ELK3: variants seen among roughly 807,000 people sequenced by gnomAD.
ELK3 encodes the protein ETS domain-containing protein Elk-3.
ELK3 carries 10 observed loss-of-function variants against 28.9 expected under a neutral mutation model. The observed-to-expected ratio is 0.35, with a 90% confidence interval of 0.21 to 0.59. The LOEUF (loss-of-function observed/expected upper bound fraction) is 0.59, where lower values mean the gene tolerates loss of function less well. Among genes scored for constraint, ELK3 ranks in the 20% least tolerant of loss-of-function variants. The probability of loss-of-function intolerance (pLI) is 0.82; values close to 1 mark genes in which losing one functional copy is unlikely to be tolerated. For missense variants in ELK3, 463 were observed against 517.3 expected (o/e 0.90, Z 1.02); for synonymous variants, 272 against 243.5 (o/e 1.12, Z -1.09).
chr12:96,266,545 C>T (rs1454540880), intron 4 of ELK3, among the ~76,000 whole-genome samples: 3 of 152,066 alleles, frequency 2.0e-5, no homozygotes, highest in Admixed American at 1.3e-4. Context: ...AGAATACTTT[C>T]TTAGCTCCAA....
At chr12:96,266,136 C>CT (rs1409279454) in intron 4 of ELK3, among the ~76,000 whole-genome samples, 4 of 152,200 alleles carry the variant, frequency 2.6e-5, no homozygotes, top group Non-Finnish European at 5.9e-5. Flanking sequence ...TTGATAAACT[C>CT]TAAGGTACTA....
At chr12:96,226,879 G>A (rs928276599) in intron 2 of ELK3, among the ~76,000 whole-genome samples, 1 of 152,156 alleles carries the variant, frequency 6.6e-6, no homozygotes, top group Admixed American at 6.5e-5. Context: ...AAAAAGAGGG[G>A]ATGGAGAAGG....
intron 3 of ELK3, among the ~76,000 whole-genome samples, chr12:96,257,030 C>G (rs537325480): frequency 6.6e-6 from 1 of 152,188 alleles, no homozygotes; most frequent in Non-Finnish European, 1.5e-5. Flanking sequence ...TCCCAGCAGC[C>G]GTGGGATCAG....
At chr12:96,205,778 G>A (rs1951534897) in intron 1 of ELK3, among the ~76,000 whole-genome samples, 1 of 152,208 alleles carries the variant, frequency 6.6e-6, no homozygotes, top group African/African-American at 2.4e-5. Flanking sequence ...GCATAGCCCA[G>A]TGCAAAAATG....
intron 2 of ELK3, among the ~76,000 whole-genome samples, chr12:96,235,444 C>T (rs977394400): frequency 7.9e-5 from 12 of 152,244 alleles, no homozygotes; most frequent in African/African-American, 2.9e-4. Flanking sequence ...CCTGCAGAGC[C>T]GAGGGCGTGG....
chr12:96,241,920 C>T (rs1229098878), intron 2 of ELK3, among the ~76,000 whole-genome samples: 1 of 152,194 alleles, frequency 6.6e-6, no homozygotes, highest in Non-Finnish European at 1.5e-5. Context: ...CATGGAATGC[C>T]TGCCGGGCAA....
At chr12:96,254,124 AGACCAACCT>A (rs1048641361) in intron 3 of ELK3, among the ~76,000 whole-genome samples, 27 of 152,230 alleles carry the variant, frequency 1.8e-4, no homozygotes, top group Non-Finnish European at 3.4e-4. Flanking sequence ...CAGGAGTTCA[AGACCAACCT>A]GGCCAACATG....
At chr12:96,198,364 TC>T (rs1951485866) in intron 1 of ELK3, among the ~76,000 whole-genome samples, 1 of 152,218 alleles carries the variant, frequency 6.6e-6, no homozygotes, top group South Asian at 2.1e-4. Context: ...ACCAGCTGTC[TC>T]ATTAAAGTTT....
Position 96,267,133 on chromosome 12 carries a change from A to G in ELK3, c.1177A>G (p.Arg393Gly). 6.2e-7 allele frequency: 1 copy of G among 1,613,668 alleles called. No individual in the cohort carries two copies. The highest frequency in any genetic ancestry group is 8.5e-7 in the Non-Finnish European group (1 of 1,179,768). ...HMPVPIPSLD[R>G]AASPVLLSSN... ...GCCAGTGCCAATCCCCAGTCTGGAC[A>G]GAGCTGCTTCTCCAGTACTGCTTTC... Residue 393 changes from arginine to glycine, a missense_variant, in exon 5 of 5, where the codon AGA (arginine) becomes GGA (glycine). Coordinates refer to ENST00000228741, the MANE Select transcript of ELK3 (RefSeq NM_005230.4).
At chr12:96,264,630 C>G (rs915188332) in intron 4 of ELK3, among the ~76,000 whole-genome samples, 1 of 151,938 alleles carries the variant, frequency 6.6e-6, no homozygotes, top group African/African-American at 2.4e-5. Flanking sequence ...AAAAAAAATA[C>G]AAAAATTGGC....
At chr12:96,238,851 T>G (rs1410245596) in intron 2 of ELK3, among the ~76,000 whole-genome samples, 1 of 152,234 alleles carries the variant, frequency 6.6e-6, no homozygotes, top group Non-Finnish European at 1.5e-5. Flanking sequence ...CCAGGCACTC[T>G]GCAGTTAACC....
intron 4 of ELK3, among the ~76,000 whole-genome samples, chr12:96,262,953 A>T (rs1303469988): frequency 6.6e-6 from 1 of 152,126 alleles, no homozygotes; most frequent in Non-Finnish European, 1.5e-5. Context: ...GCTGGCCAAC[A>T]TCCCTTTTAA....
At chr12:96,209,112 G>T (rs186745555) in intron 1 of ELK3, among the ~76,000 whole-genome samples, 2 of 152,242 alleles carry the variant, frequency 1.3e-5, no homozygotes, top group Admixed American at 6.5e-5. Flanking sequence ...GTGTGCACAC[G>T]TGCAAAACAG....
chr12:96,222,286 T>C (rs553083407), intron 1 of ELK3, among the ~76,000 whole-genome samples: 10 of 152,110 alleles, frequency 6.6e-5, no homozygotes, highest in Non-Finnish European at 1.3e-4. Flanking sequence ...TTGAGCTGGG[T>C]CACAATGGAT....
chr12:96,237,188 A>T (rs1422329902), intron 2 of ELK3, among the ~76,000 whole-genome samples: 1 of 152,238 alleles, frequency 6.6e-6, no homozygotes, highest in Non-Finnish European at 1.5e-5. Flanking sequence ...TTTGGCAGGG[A>T]CATTAAACTC....
chr12:96,202,241 T>C (rs1951511995), intron 1 of ELK3, among the ~76,000 whole-genome samples: 1 of 152,162 alleles, frequency 6.6e-6, no homozygotes, highest in Admixed American at 6.5e-5. Flanking sequence ...CCAAAACCCC[T>C]AACTCAAGCT....
At chr12:96,206,623 C>T (rs1951540025) in intron 1 of ELK3, among the ~76,000 whole-genome samples, 1 of 152,150 alleles carries the variant, frequency 6.6e-6, no homozygotes, top group Admixed American at 6.5e-5. Context: ...AAAAGATCCT[C>T]TAAAGCAGGA....
At chr12:96,198,702 A>G (rs1951488671) in intron 1 of ELK3, among the ~76,000 whole-genome samples, 1 of 152,228 alleles carries the variant, frequency 6.6e-6, no homozygotes, top group Non-Finnish European at 1.5e-5. Context: ...GAAAACTGCT[A>G]TAAAAAAATA....
intron 2 of ELK3, among the ~76,000 whole-genome samples, chr12:96,240,801 G>C (rs2300552): frequency 6.6e-6 from 1 of 151,990 alleles, no homozygotes; most frequent in Non-Finnish European, 1.5e-5. Context: ...CCAGAATGAC[G>C]AGGAACTCGC....
Sources: allele counts gnomAD v4.1 joint callset (sites outside exome capture counted in the v4.1 genomes callset), GRCh38; gene constraint gnomAD v4.1.1; transcripts MANE v1.5; gene names NCBI Gene and HGNC (gene_info 2026-07-23, HGNC 2026-07-21).